ADGRL3: variants seen among roughly 807,000 people sequenced by gnomAD.
ADGRL3 encodes the protein adhesion G protein-coupled receptor L3.
A neutral mutation model predicts 153.5 loss-of-function variants in ADGRL3; 62 were observed. That is an observed-to-expected ratio of 0.40 (90% confidence interval 0.33 to 0.50). The LOEUF is 0.50. ADGRL3 is among the 20% of genes least tolerant of loss of function. The probability of loss-of-function intolerance (pLI) is 0.47; values close to 1 mark genes in which losing one functional copy is unlikely to be tolerated. For missense variants in ADGRL3, 1,641 were observed against 1,859.4 expected (o/e 0.88, Z 2.16); for synonymous variants, 710 against 672.5 (o/e 1.06, Z -0.86).
At chr4:62,042,312 T>C (rs1347709702) in intron 24 of ADGRL3, among the ~76,000 whole-genome samples, 1 of 151,918 alleles carries the variant, frequency 6.6e-6, no homozygotes, top group Non-Finnish European at 1.5e-5. Flanking sequence ...ATAGGAGATG[T>C]TAGTGACTGT....
At position 61,733,586 on chromosome 4, in the gene ADGRL3, G is replaced by T. The variant is rs147372180; in HGVS notation, c.1399+32G>T. 3.5e-4 allele frequency: 506 copies of T among 1,441,276 alleles called. 5 individuals carry two copies. In the East Asian group the frequency reaches 7.3e-3, roughly 21 times the overall value. The allele number at this position is 1,441,276 out of a possible 1,614,324, so 89.3% of individuals were successfully genotyped here. On this transcript the variant is annotated intron_variant, in intron 8 of 26. Coordinates refer to ENST00000683033, the MANE Select transcript of ADGRL3 (RefSeq NM_001387552.1). ...TCAACCTTTTGTGGTACTCTTTGGG[G>T]AAATATTTACTGTTTGTTCTCAGCA...
At position 62,078,198 on chromosome 4, in the gene ADGRL3, AT is replaced by A. The variant is rs1747755112; in HGVS notation, c.*7291del. ...TTACACATGGCATTATTCTTTTCATATACACCTACCAGATTTCAAGCTATTG... is the reference window on the plus strand; with the variant it reads ...TTACACATGGCATTATTCTTTTCATAACACCTACCAGATTTCAAGCTATTG... On this transcript the variant is annotated 3_prime_UTR_variant, in exon 27 of 27. Transcript: ENST00000683033. 2 of 151,908 alleles carry A rather than the reference AT, an allele frequency of 1.3e-5. No individual in the cohort carries two copies. Among genetic ancestry groups the A allele is most frequent in the Admixed American group, 1.3e-4 (2 of 15,200 alleles). 9.4% of individuals were successfully genotyped at this position (151,908 alleles called of 1,614,324 possible).
chr4:61,915,133 T>G (rs1158991057), intron 13 of ADGRL3, among the ~76,000 whole-genome samples: 2 of 151,812 alleles, frequency 1.3e-5, no homozygotes. Flanking sequence ...GATAAACTTT[T>G]AATTTGCATT....
At chr4:61,847,854 T>A (rs866718076) in intron 9 of ADGRL3, among the ~76,000 whole-genome samples, 1 of 9,142 alleles carries the variant, frequency 1.1e-4, no homozygotes, top group African/African-American at 2.8e-4. Flanking sequence ...ATAAAATATA[T>A]TATATATAAT....
At chr4:61,254,769 G>A (rs2091797658) in intron 1 of ADGRL3, among the ~76,000 whole-genome samples, 1 of 152,128 alleles carries the variant, frequency 6.6e-6, no homozygotes, top group Non-Finnish European at 1.5e-5. Flanking sequence ...CAGGCATCCA[G>A]GATGGATGCT....
intron 25 of ADGRL3, among the ~76,000 whole-genome samples, chr4:62,054,253 A>C (rs1735823498): frequency 6.6e-6 from 1 of 151,698 alleles, no homozygotes; most frequent in Non-Finnish European, 1.5e-5. Context: ...AAGTTAAAAG[A>C]ACACAGAAAT....
At chr4:62,059,501 G>C (rs547827876) in intron 25 of ADGRL3, among the ~76,000 whole-genome samples, 77 of 152,270 alleles carry the variant, frequency 5.1e-4, no homozygotes, top group African/African-American at 1.8e-3. Flanking sequence ...TTTTTAAGTA[G>C]CGATTAGTTT....
At chr4:61,909,950 A>T (rs1194560485) in intron 12 of ADGRL3, among the ~76,000 whole-genome samples, 2 of 152,152 alleles carry the variant, frequency 1.3e-5, no homozygotes, top group Admixed American at 6.6e-5. Flanking sequence ...TAAAGAAATG[A>T]TAAATGATAA....
intron 17 of ADGRL3, 61 bp downstream of exon 17, chr4:61,948,337 T>C (rs572201054): frequency 2.1e-5 from 27 of 1,256,420 alleles, no homozygotes; most frequent in Non-Finnish European, 3.1e-5. Context: ...TAACTGTAAA[T>C]AGTCCTAACT....
At position 61,892,729 on chromosome 4, in the gene ADGRL3, C is replaced by T. The variant is rs1415290451; in HGVS notation, c.1554C>T (p.Ser518=). ...TSTTLRTTTL[S]PGRSTTPSVS... Reference sequence around the variant, plus strand: ...CCACCCTTCGGACCACAACTTTGAGCCCAGGAAGGAGTACCACCCCGTCAG... The same window carrying T: ...CCACCCTTCGGACCACAACTTTGAGTCCAGGAAGGAGTACCACCCCGTCAG... Residue 518 remains serine (S), a synonymous_variant, in exon 10 of 27, where the codon AGC becomes AGT. Transcript: ENST00000683033. 1.2e-6 allele frequency: 2 copies of T among 1,613,816 alleles called. No homozygotes were observed. The highest frequency in any genetic ancestry group is 1.7e-5 in the Admixed American group (1 of 60,016).
chr4:61,846,252 G>A (rs562490832), intron 9 of ADGRL3, among the ~76,000 whole-genome samples: 4 of 151,910 alleles, frequency 2.6e-5, no homozygotes, highest in Admixed American at 1.3e-4. Context: ...AGAAGTTTGA[G>A]GCTGCAGTGA....
intron 5 of ADGRL3, among the ~76,000 whole-genome samples, chr4:61,646,952 G>T (rs1026424926): frequency 6.6e-5 from 10 of 152,222 alleles, no homozygotes; most frequent in Non-Finnish European, 1.3e-4. Flanking sequence ...AGGACCCTCC[G>T]AGCCAGGTGC....
chr4:61,569,095 G>T (rs2098828150), intron 4 of ADGRL3, among the ~76,000 whole-genome samples: 2 of 152,026 alleles, frequency 1.3e-5, no homozygotes, highest in Admixed American at 1.3e-4. Context: ...TGGGGCCGGA[G>T]ATTTGTATTG....
chr4:61,844,546 CAAAAAAAAAAAA>C (rs71604517), intron 9 of ADGRL3, among the ~76,000 whole-genome samples: 1 of 17,548 alleles, frequency 5.7e-5, no homozygotes, highest in Non-Finnish European at 8.5e-5. Context: ...GACTGCATCT[CAAAAAAAAAAAA>C]AAAAAAAAAA....
At chr4:61,391,855 CTTTTTTT>C (rs869176171) in intron 2 of ADGRL3, among the ~76,000 whole-genome samples, 5 of 93,640 alleles carry the variant, frequency 5.3e-5, no homozygotes, top group African/African-American at 2.1e-4. Context: ...AAAAATGCTA[CTTTTTTT>C]TTTTTTTTTT....
Position 61,587,251 on chromosome 4 carries a change from T to C in ADGRL3, c.284T>C (p.Met95Thr). 6.2e-7 allele frequency: 1 copy of C among 1,608,268 alleles called. No homozygotes were observed. The highest frequency in any genetic ancestry group is 8.5e-7 in the Non-Finnish European group (1 of 1,177,024). Residue 95 changes from methionine to threonine, a missense_variant, in exon 5 of 27, where the codon ATG (methionine) becomes ACG (threonine). Physicochemically the swap from Met to Thr is moderately conservative, Grantham distance 81. Transcript: ENST00000683033. ...GCTTTCAGCCGTGCCCCAATTCCAA[T>C]GGCTGTGGTCCGCAGAGAGCTATCC... ...AQAFSRAPIP[M>T]AVVRRELSCE... is the part of the protein sequence containing the mutation.
intron 8 of ADGRL3, among the ~76,000 whole-genome samples, chr4:61,772,248 T>C (rs1486266820): frequency 1.3e-5 from 2 of 152,062 alleles, no homozygotes; most frequent in African/African-American, 2.4e-5. Flanking sequence ...AATCTTACCT[T>C]CCCTCTCCAC....
At chr4:61,890,694 C>T (rs2098572898) in intron 9 of ADGRL3, among the ~76,000 whole-genome samples, 3 of 152,196 alleles carry the variant, frequency 2.0e-5, no homozygotes, top group Admixed American at 2.0e-4. Context: ...AACACTCTTA[C>T]ACTGGGGATG....
intron 1 of ADGRL3, among the ~76,000 whole-genome samples, chr4:61,339,122 C>A (rs2095749715): frequency 6.6e-6 from 1 of 152,256 alleles, no homozygotes; most frequent in East Asian, 1.9e-4. Flanking sequence ...GATCCAACTT[C>A]AGTCTTTTCT....
Sources: allele counts gnomAD v4.1 joint callset (sites outside exome capture counted in the v4.1 genomes callset), GRCh38; gene constraint gnomAD v4.1.1; transcripts MANE v1.5; gene names NCBI Gene and HGNC (gene_info 2026-07-23, HGNC 2026-07-21).